PDE1C: variants seen among roughly 807,000 people sequenced by gnomAD.
The protein encoded by PDE1C is dual specificity calcium/calmodulin-dependent 3',5'-cyclic nucleotide phosphodiesterase 1C.
A neutral mutation model predicts 93.1 loss-of-function variants in PDE1C; 62 were observed. That is an observed-to-expected ratio of 0.67 (90% CI 0.54 to 0.82). The LOEUF (loss-of-function observed/expected upper bound fraction) is 0.82, where lower values mean the gene tolerates loss of function less well. Ranked by LOEUF, PDE1C falls within the 40% of genes least tolerant of loss-of-function variation. PDE1C has a pLI of 0.00. For synonymous variants in PDE1C, 325 were observed against 310.1 expected, an observed-to-expected ratio of 1.05 and a Z score of -0.50; for missense variants, 742 against 884.6, an observed-to-expected ratio of 0.84 and a Z score of 2.04.
intron 2 of PDE1C, among the ~76,000 whole-genome samples, chr7:31,967,808 G>A (rs1322668786): frequency 9.2e-5 from 14 of 152,202 alleles, no homozygotes; most frequent in Middle Eastern, 3.4e-3. Context: ...TTCAACATAC[G>A]CAAATCAATA....
At chr7:31,708,700 C>T in the PDE1C span, among the ~76,000 whole-genome samples, 1 of 152,196 alleles carries the variant, frequency 6.6e-6, no homozygotes, top group Non-Finnish European at 1.5e-5. Context: ...CAATTTGGGC[C>T]TGATTAGAAT....
intron 2 of PDE1C, among the ~76,000 whole-genome samples, chr7:31,988,380 G>A (rs1260800977): frequency 1.3e-5 from 2 of 152,168 alleles, no homozygotes; most frequent in Admixed American, 6.5e-5. Flanking sequence ...CACTTTTAAA[G>A]GTTTCTATGT....
At chr7:31,853,666 G>A (rs1793624195) in intron 7 of PDE1C, among the ~76,000 whole-genome samples, 1 of 89,834 alleles carries the variant, frequency 1.1e-5, no homozygotes, top group Admixed American at 1.5e-4. Context: ...GACAGGAGGA[G>A]AGAAGGGAGA....
At chr7:31,730,201 A>G in the PDE1C span, among the ~76,000 whole-genome samples, 2 of 152,158 alleles carry the variant, frequency 1.3e-5, no homozygotes, top group African/African-American at 2.4e-5. Context: ...CTAATTAGGT[A>G]GTTCACCAAT....
chr7:31,658,327 T>A, the PDE1C span: 21 of 1,523,264 alleles, frequency 1.4e-5, no homozygotes, highest in South Asian at 2.4e-4. Context: ...AGCAAATAAC[T>A]CTGCTAAAGA....
intron 7 of PDE1C, among the ~76,000 whole-genome samples, chr7:31,857,061 A>T (rs2128816160): frequency 6.6e-6 from 1 of 152,222 alleles, no homozygotes; most frequent in South Asian, 2.1e-4. Flanking sequence ...CATCCATACA[A>T]CTTTATTTTA....
At chr7:32,250,121 A>G (rs1173106630) in intron 1 of PDE1C, among the ~76,000 whole-genome samples, 1 of 152,200 alleles carries the variant, frequency 6.6e-6, no homozygotes, top group African/African-American at 2.4e-5. Flanking sequence ...CTGGCCTGTC[A>G]GAAGCTGAGT....
At chr7:31,996,105 AC>A (rs1383658225) in intron 2 of PDE1C, among the ~76,000 whole-genome samples, 1 of 148,106 alleles carries the variant, frequency 6.8e-6, no homozygotes, top group Admixed American at 6.7e-5. Flanking sequence ...ACACACACAC[AC>A]TTCCATGCAT....
At chr7:32,201,464 T>C (rs57803157) in intron 2 of PDE1C, among the ~76,000 whole-genome samples, 5,480 of 152,250 alleles carry the variant, frequency 0.036, 332 homozygotes, top group African/African-American at 0.12. Context: ...ATTATCTCAA[T>C]AGGGGTACAG....
At chr7:31,886,728 G>A (rs1240642371) in intron 2 of PDE1C, among the ~76,000 whole-genome samples, 1 of 40,950 alleles carries the variant, frequency 2.4e-5, no homozygotes, top group Non-Finnish European at 4.9e-5. Flanking sequence ...GGAAACGGCA[G>A]ACTCTGCATG....
At chr7:31,893,048 T>C (rs10244510) in intron 2 of PDE1C, among the ~76,000 whole-genome samples, 13,850 of 152,102 alleles carry the variant, frequency 0.091, 916 homozygotes, top group East Asian at 0.26. Context: ...TATTGTCAGC[T>C]TATAATAAAA....
intron 2 of PDE1C, among the ~76,000 whole-genome samples, chr7:31,975,016 A>C (rs1198950166): frequency 3.3e-5 from 5 of 152,098 alleles, no homozygotes; most frequent in Non-Finnish European, 5.9e-5. Flanking sequence ...TGCTTAACTC[A>C]CTTCTTGTCT....
chr7:32,365,861 T>C lies in PDE1C; in HGVS notation c.310+61961A>G, dbSNP rs1784220897. Among the ~76,000 whole-genome samples, 3 of 151,802 alleles carry C rather than the reference T, an allele frequency of 2.0e-5. No homozygotes were observed. In the South Asian group the frequency reaches 6.3e-4, roughly 32 times the overall value. On this transcript the variant is annotated intron_variant, in intron 1 of 1. Transcript: ENST00000672256. ...GTACTACACAGAGATTACACGACTG[T>C]GTCCACCCAGAACAAAAGCCAGCAC...
intron 2 of PDE1C, among the ~76,000 whole-genome samples, chr7:32,031,304 T>A (rs1790277575): frequency 6.6e-6 from 1 of 152,212 alleles, no homozygotes; most frequent in Non-Finnish European, 1.5e-5. Flanking sequence ...AAATGTTAGA[T>A]AATTTTACTA....
intron 2 of PDE1C, among the ~76,000 whole-genome samples, chr7:31,994,757 A>G (rs1784526563): frequency 1.3e-5 from 2 of 152,224 alleles, no homozygotes; most frequent in Non-Finnish European, 2.9e-5. Context: ...AATCCAGCCC[A>G]AGTTTCATAA....
At chr7:31,950,203 G>A (rs557461009) in intron 2 of PDE1C, among the ~76,000 whole-genome samples, 18 of 152,242 alleles carry the variant, frequency 1.2e-4, no homozygotes, top group Non-Finnish European at 1.8e-4. Flanking sequence ...AACTCTTTAC[G>A]TGGCAGGCAC....
chr7:31,994,188 T>C (rs945480805), intron 2 of PDE1C, among the ~76,000 whole-genome samples: 1 of 152,164 alleles, frequency 6.6e-6, no homozygotes, highest in African/African-American at 2.4e-5. Flanking sequence ...TTCCCTGATA[T>C]GCTATATCTA....
rs74338454 is a variant in PDE1C at position 31,977,379 on chromosome 7, C to G, written c.128+74175G>C. Among the ~76,000 whole-genome samples, 532 of 152,302 alleles carry G rather than the reference C, an allele frequency of 3.5e-3. 20 individuals are homozygous for G. The East Asian group carries it at 0.073, about 21-fold the overall frequency. On this transcript the variant is annotated intron_variant, in intron 2 of 17. Transcript: ENST00000396191. ...CCTCCAGAATCGTGAGCTAAATAAA[C>G]TTCTTTTCTTTATAGATTACCCATT...
At chr7:31,700,855 A>G in the PDE1C span, among the ~76,000 whole-genome samples, 1 of 152,200 alleles carries the variant, frequency 6.6e-6, no homozygotes, top group African/African-American at 2.4e-5. Context: ...ACATGTTTAC[A>G]GCATAATTTA....
Sources: allele counts gnomAD v4.1 joint callset (sites outside exome capture counted in the v4.1 genomes callset), GRCh38; gene constraint gnomAD v4.1.1; transcripts MANE v1.5; gene names NCBI Gene and HGNC (gene_info 2026-07-23, HGNC 2026-07-21).